Variants in RFPL1 observed in about 807,000 individuals in gnomAD.
RFPL1 encodes ret finger protein like 1, also known as ret finger protein-like 1.
Under a neutral mutation model 9.6 loss-of-function variants are expected in RFPL1, and 6 were observed. That is an observed-to-expected ratio of 0.62 (90% CI 0.34 to 1.23). The LOEUF is 1.23. Among genes scored for constraint, RFPL1 ranks in the 50% most tolerant of loss-of-function variants. The probability of loss-of-function intolerance (pLI) is 0.03; values close to 1 mark genes in which losing one functional copy is unlikely to be tolerated. For synonymous variants in RFPL1, 145 were observed against 149.4 expected (o/e 0.97, Z 0.22); for missense variants, 352 against 398.4 (o/e 0.88, Z 0.99).
At chr22:29,405,897 C>G in the RFPL1 span, among the ~76,000 whole-genome samples, 2 of 151,410 alleles carry the variant, frequency 1.3e-5, no homozygotes, top group South Asian at 2.1e-4. Context: ...ATCACGAGGT[C>G]AGGAGATCGA....
At chr22:29,428,506 C>T in the RFPL1 span, among the ~76,000 whole-genome samples, 2 of 152,160 alleles carry the variant, frequency 1.3e-5, no homozygotes, top group South Asian at 4.1e-4. Context: ...GCATTATAGG[C>T]TAAGTAGAGC....
the RFPL1 span, among the ~76,000 whole-genome samples, chr22:29,412,556 G>A: frequency 3.3e-5 from 5 of 152,156 alleles, no homozygotes; most frequent in East Asian, 1.9e-4. Flanking sequence ...CAAACTTGGG[G>A]TCTTCCCACA....
At chr22:29,405,560 G>A in the RFPL1 span, among the ~76,000 whole-genome samples, 1 of 152,130 alleles carries the variant, frequency 6.6e-6, no homozygotes, top group African/African-American at 2.4e-5. Flanking sequence ...AAGAAATATT[G>A]GGGCAGCAGG....
chr22:29,415,981 C>T, the RFPL1 span, among the ~76,000 whole-genome samples: 3 of 152,228 alleles, frequency 2.0e-5, no homozygotes, highest in South Asian at 6.2e-4. Flanking sequence ...CTTCCCGTGG[C>T]TGCTGAGACC....
At chr22:29,410,418 GAT>G in the RFPL1 span, among the ~76,000 whole-genome samples, 13 of 76,032 alleles carry the variant, frequency 1.7e-4, no homozygotes, top group Admixed American at 6.1e-4. Context: ...TATATATATA[GAT>G]ATATATATTG....
chr22:29,435,385 T>G (rs1309266850), upstream of RFPL1, among the ~76,000 whole-genome samples: 2 of 152,216 alleles, frequency 1.3e-5, no homozygotes, highest in Non-Finnish European at 2.9e-5. Context: ...CTTGTGAATT[T>G]GACTCATTTC....
chr22:29,431,888 T>G, the RFPL1 span, among the ~76,000 whole-genome samples: 1 of 152,044 alleles, frequency 6.6e-6, no homozygotes, highest in Non-Finnish European at 1.5e-5. Context: ...GAGATGGGGT[T>G]TCACCATGTT....
At chr22:29,441,978 C>T (rs955567907) in exon 2 of RFPL1, 2 of 1,614,016 alleles carry the variant, frequency 1.2e-6, no homozygotes, top group Non-Finnish European at 1.7e-6. Flanking sequence ...TCTATACATT[C>T]AGGAGTGTCT....
chr22:29,418,637 T>C, the RFPL1 span, among the ~76,000 whole-genome samples: 73 of 151,908 alleles, frequency 4.8e-4, no homozygotes, highest in Non-Finnish European at 7.1e-4. Flanking sequence ...GTAGCTGAGA[T>C]TACAGGCATG....
the RFPL1 span, among the ~76,000 whole-genome samples, chr22:29,421,070 C>A: frequency 1.3e-5 from 2 of 152,136 alleles, no homozygotes; most frequent in Admixed American, 1.3e-4. Flanking sequence ...GGCTCAGTAA[C>A]GTAAACCCAA....
At chr22:29,425,740 G>A in the RFPL1 span, among the ~76,000 whole-genome samples, 1 of 152,090 alleles carries the variant, frequency 6.6e-6, no homozygotes, top group Non-Finnish European at 1.5e-5. Flanking sequence ...GCCGCGGTGG[G>A]TGGATCACCT....
chr22:29,426,380 A>C, the RFPL1 span, among the ~76,000 whole-genome samples: 1 of 152,142 alleles, frequency 6.6e-6, no homozygotes, highest in East Asian at 1.9e-4. Context: ...TTTTTTGTCC[A>C]TATTTTTAGA....
the RFPL1 span, among the ~76,000 whole-genome samples, chr22:29,410,635 A>G: frequency 9.7e-6 from 1 of 102,662 alleles, no homozygotes; most frequent in Non-Finnish European, 2.3e-5. Context: ...AGATAGATAT[A>G]TTGTAGATAT....
chr22:29,423,893 C>T, the RFPL1 span, among the ~76,000 whole-genome samples: 15 of 152,240 alleles, frequency 9.9e-5, no homozygotes, highest in East Asian at 7.7e-4. Context: ...GCAAAGCTCA[C>T]GGTGTAAAGT....
At chr22:29,403,208 G>A in the RFPL1 span, among the ~76,000 whole-genome samples, 7 of 151,992 alleles carry the variant, frequency 4.6e-5, no homozygotes, top group Admixed American at 1.3e-4. Flanking sequence ...AAAGTGAGGC[G>A]GAGCCTTGTG....
the RFPL1 span, among the ~76,000 whole-genome samples, chr22:29,390,878 G>C: frequency 6.6e-6 from 1 of 151,704 alleles, no homozygotes; most frequent in East Asian, 2.0e-4. Context: ...GATTACAGGT[G>C]TGAGCCACCG....
At chr22:29,419,270 G>A in the RFPL1 span, 5 of 1,289,956 alleles carry the variant, frequency 3.9e-6, no homozygotes, top group East Asian at 4.6e-5. Context: ...CCTAAGGAAA[G>A]GAGGCAAGCA....
chr22:29,416,770 T>C, the RFPL1 span, among the ~76,000 whole-genome samples: 181 of 152,244 alleles, frequency 1.2e-3, 1 homozygote, highest in Non-Finnish European at 1.3e-3. Context: ...TAACTGCCCT[T>C]AGAAGTCAGG....
the RFPL1 span, among the ~76,000 whole-genome samples, chr22:29,407,005 T>A: frequency 6.6e-6 from 1 of 152,080 alleles, no homozygotes. Context: ...TTGTGCCAAT[T>A]TAAATGCATT....
Sources: allele counts gnomAD v4.1 joint callset (sites outside exome capture counted in the v4.1 genomes callset), GRCh38; gene constraint gnomAD v4.1.1; transcripts MANE v1.5; gene names NCBI Gene and HGNC (gene_info 2026-07-23, HGNC 2026-07-21).